Variants in TSPAN18 observed in about 807,000 individuals in gnomAD.
TSPAN18 encodes tetraspanin-18.
TSPAN18 carries 14 observed loss-of-function variants against 27.3 expected under a neutral mutation model. That is an observed-to-expected ratio of 0.51 (90% CI 0.34 to 0.80). The LOEUF (loss-of-function observed/expected upper bound fraction) is 0.80. TSPAN18 is among the 30% of genes least tolerant of loss of function. The pLI, the probability that TSPAN18 is intolerant of heterozygous loss-of-function variation, is 0.01. For missense variants in TSPAN18, 268 were observed against 323.9 expected (o/e 0.83, Z 1.32); for synonymous variants, 143 against 136.5 (o/e 1.05, Z -0.33).
At chr11:44,759,985 G>T (rs1855415642) in intron 1 of TSPAN18, among the ~76,000 whole-genome samples, 2 of 152,174 alleles carry the variant, frequency 1.3e-5, no homozygotes, top group African/African-American at 2.4e-5. Context: ...TGAGGGGAGG[G>T]GTGAAACTCA....
At chr11:44,919,742 C>T in intron 7 of TSPAN18, 75 bp from the exon 8 acceptor site, 1 of 1,433,294 alleles carries the variant, frequency 7.0e-7, no homozygotes, top group East Asian at 2.3e-5. Context: ...TTTGCAGAGG[C>T]TGTATGTCCT....
chr11:44,839,419 C>T (rs186058956), intron 2 of TSPAN18, among the ~76,000 whole-genome samples: 13 of 152,296 alleles, frequency 8.5e-5, no homozygotes, highest in South Asian at 6.2e-4. Context: ...GCTTCTCCCT[C>T]GGGCTCTTTT....
chr11:44,922,574 G>C (rs975104517), intron 8 of TSPAN18, among the ~76,000 whole-genome samples: 1 of 152,216 alleles, frequency 6.6e-6, no homozygotes, highest in African/African-American at 2.4e-5. Context: ...GTCCACATTG[G>C]TGGTGGACCT....
intron 2 of TSPAN18, among the ~76,000 whole-genome samples, chr11:44,783,919 TC>T (rs1219683493): frequency 2.0e-5 from 3 of 152,086 alleles, no homozygotes; most frequent in African/African-American, 7.2e-5. Flanking sequence ...CCCTCACCCC[TC>T]TCGTCTCAGG....
intron 1 of TSPAN18, among the ~76,000 whole-genome samples, chr11:44,743,018 T>C (rs1854982709): frequency 3.9e-5 from 6 of 152,216 alleles, no homozygotes; most frequent in Admixed American, 3.9e-4. Flanking sequence ...CATCAATACA[T>C]GGAGGCTTCT....
chr11:44,929,679 T>C lies in TSPAN18; in HGVS notation c.*501T>C, dbSNP rs912861038. ...GCGCAATCCCTGGTCCACTGGAGGA[T>C]GGACTGTTCCCCCCTTCAGGCCGGG... On this transcript the variant is annotated 3_prime_UTR_variant, in exon 10 of 10. Transcript: ENST00000520358. 2 of 155,428 alleles carry C rather than the reference T, an allele frequency of 1.3e-5. No homozygotes were observed. Among genetic ancestry groups the C allele is most frequent in the African/African-American group, 4.8e-5 (2 of 41,516 alleles). 9.6% of individuals were successfully genotyped at this position (155,428 alleles called of 1,614,324 possible).
rs752986300 is a variant in TSPAN18 at position 44,919,955 on chromosome 11, C to T, written c.571C>T (p.Arg191Trp). 2.7e-5 allele frequency: 43 copies of T among 1,614,018 alleles called. No individual in the cohort carries two copies. Among genetic ancestry groups the T allele is most frequent in the Non-Finnish European group, 3.2e-5 (38 of 1,180,012 alleles). ...PQSRDGVLLS[R>W]EECLLGRSLF... ...AAGTCGGGACGGGGTCCTGCTGAGC[C>T]GGGAGGAGTGCCTCCTGGGAAGGAG... Residue 191 changes from arginine to tryptophan, a missense_variant, in exon 8 of 10, where the codon CGG (arginine) becomes TGG (tryptophan). Coordinates refer to ENST00000520358, the MANE Select transcript of TSPAN18 (RefSeq NM_130783.5).
intron 1 of TSPAN18, among the ~76,000 whole-genome samples, chr11:44,762,903 T>G (rs1409146922): frequency 1.3e-5 from 2 of 152,214 alleles, no homozygotes; most frequent in East Asian, 3.9e-4. Context: ...CCTTCCTGCT[T>G]ACATCCCTCC....
chr11:44,893,671 C>G (rs1446180639), intron 3 of TSPAN18, among the ~76,000 whole-genome samples: 1 of 152,224 alleles, frequency 6.6e-6, no homozygotes, highest in Non-Finnish European at 1.5e-5. Context: ...GCTCTGGGAC[C>G]TTTCTAGCCC....
intron 2 of TSPAN18, among the ~76,000 whole-genome samples, chr11:44,813,056 T>C (rs1856752017): frequency 6.6e-6 from 1 of 152,228 alleles, no homozygotes; most frequent in Admixed American, 6.5e-5. Context: ...GCCGTCTCTC[T>C]GTGCCCAGCT....
chr11:44,838,642 G>T (rs1477604589), intron 2 of TSPAN18, among the ~76,000 whole-genome samples: 8 of 152,166 alleles, frequency 5.3e-5, no homozygotes. Context: ...CGCCACCTGT[G>T]AAAGACTGGA....
At chr11:44,914,112 A>G (rs1298615004) in intron 5 of TSPAN18, among the ~76,000 whole-genome samples, 1 of 152,194 alleles carries the variant, frequency 6.6e-6, no homozygotes. Flanking sequence ...GTTTATTCTT[A>G]TATCTCATCT....
intron 1 of TSPAN18, among the ~76,000 whole-genome samples, chr11:44,732,060 A>G (rs1305090208): frequency 6.6e-6 from 1 of 152,234 alleles, no homozygotes; most frequent in Non-Finnish European, 1.5e-5. Flanking sequence ...CTGGCCCTGA[A>G]TCCCTTTTTG....
intron 7 of TSPAN18, 77 bp from the exon 8 acceptor site, chr11:44,919,740 G>T (rs1428868180): frequency 7.0e-7 from 1 of 1,426,242 alleles, no homozygotes; most frequent in Non-Finnish European, 9.9e-7. Context: ...CCTTTGCAGA[G>T]GCTGTATGTC....
intron 2 of TSPAN18, among the ~76,000 whole-genome samples, chr11:44,792,947 C>T (rs983300362): frequency 7.9e-5 from 12 of 152,082 alleles, no homozygotes; most frequent in African/African-American, 1.2e-4. Context: ...CAAGGCGTCT[C>T]GTGTGACTCA....
In TSPAN18 at chr11:44,768,964, T is replaced by C. The variant is rs835762; in HGVS notation, c.-153+4452T>C. Among the ~76,000 whole-genome samples the C allele has an allele frequency of 8.7e-3, 1,309 of 151,302 alleles. 16 individuals carry two copies. The highest frequency in any genetic ancestry group is 0.029 in the African/African-American group (1,181 of 41,126). ...CAGGCTGGAGTGCAGTGGTGCGATT[T>C]CTGGTCACTGCAACCTCCGCCTTTC... On this transcript the variant is annotated intron_variant, in intron 2 of 9. Coordinates refer to ENST00000520358, the MANE Select transcript of TSPAN18 (RefSeq NM_130783.5).
At chr11:44,919,730 C>T (rs997959561) in intron 7 of TSPAN18, 87 bp from the exon 8 acceptor site, 2 of 1,354,770 alleles carry the variant, frequency 1.5e-6, no homozygotes, top group South Asian at 2.4e-5. Flanking sequence ...TGATGCCACT[C>T]CTTTGCAGAG....
chr11:44,846,815 C>A (rs1857495349), intron 2 of TSPAN18, among the ~76,000 whole-genome samples: 1 of 152,210 alleles, frequency 6.6e-6, no homozygotes, highest in Admixed American at 6.5e-5. Flanking sequence ...TTTGAGGAAT[C>A]CTGCTGAACA....
chr11:44,836,797 T>A (rs1857273256), intron 2 of TSPAN18, among the ~76,000 whole-genome samples: 1 of 152,236 alleles, frequency 6.6e-6, no homozygotes, highest in Non-Finnish European at 1.5e-5. Flanking sequence ...CTAAATCCAC[T>A]CTGCTTGTGC....
Sources: gnomAD v4.1 joint callset for allele counts (sites outside exome capture counted in the v4.1 genomes callset) on GRCh38, gnomAD v4.1.1 for gene constraint, MANE v1.5 for transcripts, NCBI Gene and HGNC (gene_info 2026-07-23, HGNC 2026-07-21) for gene names.